Variants in PSME2 observed in about 807,000 individuals in gnomAD.
PSME2 encodes the protein proteasome activator complex subunit 2.
Under a neutral mutation model 38.8 loss-of-function variants are expected in PSME2, and 20 were observed. That is an observed-to-expected ratio of 0.52 (90% CI 0.36 to 0.75). The LOEUF is 0.75. PSME2 is among the 30% of genes least tolerant of loss of function. The pLI is 0.00. For synonymous variants in PSME2, 82 were observed against 102.5 expected (o/e 0.80, Z 1.21); for missense variants, 227 against 287.6 (o/e 0.79, Z 1.52).
chr14:24,146,496 G>A (rs1294056200), intron 1 of PSME2, 38 bp downstream of exon 1: 3 of 1,613,478 alleles, frequency 1.9e-6, no homozygotes, highest in African/African-American at 1.3e-5. Flanking sequence ...ACCCAAGAGG[G>A]TTCTATGACC....
At position 24,146,605 on chromosome 14, in the gene PSME2, G is replaced by C. The variant is rs1263720739; in HGVS notation, c.-24C>G. ...ATGCTGCTTCAGTCGCTAGATCTCT[G>C]GTCTCCCGGCTAGTCGCCCGGGCTT... On this transcript the variant is annotated 5_prime_UTR_variant, in exon 1 of 11. Transcript: ENST00000216802. 1.2e-6 allele frequency: 2 copies of C among 1,611,938 alleles called. No individual in the cohort carries two copies. The highest frequency in any genetic ancestry group is 2.7e-5 in the African/African-American group (2 of 74,920).
In PSME2 at chr14:24,143,767, C is replaced by A; in HGVS notation, c.553-96G>T. On this transcript the variant is annotated intron_variant, in intron 9 of 10. Transcript: ENST00000216802. The surrounding 1 kb of genome is among the most constrained non-coding windows in gnomAD (Gnocchi z 4.4). ...GGAAATAGGTTAACTTGAGAATGAACCCCTTCTTAGCACCAAGAAATAGGA... is the reference window on the plus strand; with the variant it reads ...GGAAATAGGTTAACTTGAGAATGAAACCCTTCTTAGCACCAAGAAATAGGA... 1 of 1,384,836 alleles carries A rather than the reference C, an allele frequency of 7.2e-7. No homozygotes were observed. Among genetic ancestry groups the A allele is most frequent in the Non-Finnish European group, 1.0e-6 (1 of 981,800 alleles). The allele number at this position is 1,384,836 out of a possible 1,614,324, so 85.8% of individuals were successfully genotyped here.
chr14:24,146,383 C>T, intron 1 of PSME2, 143 bp from the exon 2 acceptor site: 1 of 1,429,544 alleles, frequency 7.0e-7, no homozygotes, highest in South Asian at 1.2e-5. Context: ...TCACTGCAGT[C>T]AGAAGGCAGG....
chr14:24,145,915 G>T, intron 2 of PSME2, 143 bp from the exon 3 acceptor site: 1 of 948,460 alleles, frequency 1.1e-6, no homozygotes, highest in Non-Finnish European at 1.7e-6. Flanking sequence ...GAAAGGACTT[G>T]CCCAAGCTGG....
In PSME2 at chr14:24,143,921, T is replaced by C; in HGVS notation, c.552+54A>G. 1 of 1,576,590 alleles carries C rather than the reference T, an allele frequency of 6.3e-7. No individual in the cohort carries two copies. The highest frequency in any genetic ancestry group is 1.7e-5 in the Admixed American group (1 of 59,914). On this transcript the variant is annotated intron_variant, in intron 9 of 10. Transcript: ENST00000216802. The surrounding 1 kb of genome is among the most constrained non-coding windows in gnomAD (Gnocchi z 4.4). Reference sequence around the variant, plus strand: ...AAACAAGACAAGGAGGACTTCTTCCTCCACACCTCCTCGTCCCACACCCAG... The same window carrying C: ...AAACAAGACAAGGAGGACTTCTTCCCCCACACCTCCTCGTCCCACACCCAG...
At position 24,145,210 on chromosome 14, in the gene PSME2, A is replaced by T. The variant is rs115847395; in HGVS notation, c.262+33T>A. The T allele has an allele frequency of 9.5e-3, 15,309 of 1,612,828 alleles. 90 individuals are homozygous for T. The highest frequency in any genetic ancestry group is 0.011 in the Non-Finnish European group (13,006 of 1,179,008). ...CTCATCCAGTAGTCAGTGTGCCATC[A>T]CCCCTTCCCTAGTCACCTCTTATCT... On this transcript the variant is annotated intron_variant, in intron 5 of 10. Coordinates refer to ENST00000216802, the MANE Select transcript of PSME2 (RefSeq NM_002818.3).
Position 24,143,443 on chromosome 14 carries a change from T to C in PSME2, c.686A>G (p.Asn229Ser), listed in dbSNP as rs968016628. The change falls in exon 11 of 11, where the codon AAC becomes AGC. Residue 229 changes from asparagine to serine, a missense_variant. By Grantham distance (46) the Asn-to-Ser change is conservative. Coordinates refer to ENST00000216802, the MANE Select transcript of PSME2 (RefSeq NM_002818.3). The surrounding 1 kb of genome is among the most constrained non-coding windows in gnomAD (Gnocchi z 4.4). The part of the protein sequence containing the change: ...IISSNLEKIV[N>S]PKGEEKPSMY ...AGATGGCTTTTCTTCACCCTTTGGGTTGACAATTTTCTCCAGGTTGCTGCT... is the reference window on the plus strand; with the variant it reads ...AGATGGCTTTTCTTCACCCTTTGGGCTGACAATTTTCTCCAGGTTGCTGCT... The C allele has an allele frequency of 6.2e-7, 1 of 1,614,020 alleles. No individual in the cohort carries two copies. The highest frequency in any genetic ancestry group is 1.3e-5 in the African/African-American group (1 of 74,900).
chr14:24,143,838 A>C lies in PSME2; in HGVS notation c.552+137T>G. The stretch of plus-strand genomic sequence containing the variant: ...AAAAGGGTCAAGGTTGTTGAAGCCC[A>C]AACCAGTTTTTCTAGGTAATGCTTT... On this transcript the variant is annotated intron_variant, in intron 9 of 10. Transcript: ENST00000216802. This position sits in a 1 kb window ranked among gnomAD's most constrained non-coding sequence, Gnocchi z 4.4. 1.5e-6 allele frequency: 2 copies of C among 1,340,724 alleles called. No individual in the cohort carries two copies. Among genetic ancestry groups the C allele is most frequent in the Non-Finnish European group, 2.1e-6 (2 of 950,240 alleles). 83.1% of individuals were successfully genotyped at this position (1,340,724 alleles called of 1,614,324 possible).
chr14:24,143,572 A>G lies in PSME2; in HGVS notation c.639+13T>C, dbSNP rs1293911831. 1 of 1,613,564 alleles carries G rather than the reference A, an allele frequency of 6.2e-7. No homozygotes were observed. Among genetic ancestry groups the G allele is most frequent in the East Asian group, 2.2e-5 (1 of 44,852 alleles). On this transcript the variant is annotated intron_variant, in intron 10 of 10. Coordinates refer to ENST00000216802, the MANE Select transcript of PSME2 (RefSeq NM_002818.3). This position sits in a 1 kb window ranked among gnomAD's most constrained non-coding sequence, Gnocchi z 4.4. ...ACTCATCCACCTCCCCTAAAGCCTTACTCCACACTCACATAGAAGGCCCTC... is the reference window on the plus strand; with the variant it reads ...ACTCATCCACCTCCCCTAAAGCCTTGCTCCACACTCACATAGAAGGCCCTC...
At chr14:24,146,300 C>A in intron 1 of PSME2, 60 bp from the exon 2 acceptor site, 1 of 1,593,674 alleles carries the variant, frequency 6.3e-7, no homozygotes, top group Non-Finnish European at 8.6e-7. Flanking sequence ...AAGCTTCCAC[C>A]CACAACAGGG....
At chr14:24,146,312 G>A in intron 1 of PSME2, 72 bp from the exon 2 acceptor site, 1 of 1,570,546 alleles carries the variant, frequency 6.4e-7, no homozygotes, top group Non-Finnish European at 8.8e-7. Flanking sequence ...ACAACAGGGT[G>A]CCCTCGAACT....
At position 24,145,436 on chromosome 14, in the gene PSME2, A is replaced by G; in HGVS notation, c.174T>C (p.Thr58=). 6.4e-7 allele frequency: 1 copy of G among 1,556,918 alleles called. No individual in the cohort carries two copies. The highest frequency in any genetic ancestry group is 1.4e-5 in the African/African-American group (1 of 73,146). The part of the protein sequence containing the change: ...QEDSLNVADL[T]SLRAPLDIPI... ...GGATGTCCAGTGGGGCCCGGAGGGAAGTCAAGTCAGCCACATTGAGGGAGT... is the reference window on the plus strand; with the variant it reads ...GGATGTCCAGTGGGGCCCGGAGGGAGGTCAAGTCAGCCACATTGAGGGAGT... The change falls in exon 4 of 11, where the codon ACT becomes ACC. Residue 58 remains threonine, a synonymous_variant. Coordinates refer to ENST00000216802, the MANE Select transcript of PSME2 (RefSeq NM_002818.3).
intron 8 of PSME2, 46 bp from the exon 9 acceptor site, chr14:24,144,075 T>C (rs2038115756): frequency 6.2e-7 from 1 of 1,608,188 alleles, no homozygotes; most frequent in South Asian, 1.1e-5. Flanking sequence ...TTCAGGGAGA[T>C]GTACTCCCTC....
At chr14:24,145,882 G>T (rs1340394658) in intron 2 of PSME2, 110 bp from the exon 3 acceptor site, 1 of 1,206,776 alleles carries the variant, frequency 8.3e-7, no homozygotes, top group Non-Finnish European at 1.2e-6. Flanking sequence ...ACTTGCAAAT[G>T]AGGAAACTGA....
rs1275607606 is a variant in PSME2, at chr14:24,146,252, G to C, written c.49-12C>G. On this transcript the variant is annotated splice_polypyrimidine_tract_variant and intron_variant, in intron 1 of 10. Transcript: ENST00000216802. ...CTGAAGACCTCCACCTACACAGAGA[G>C]CAGTACCCGGATGTTGGTTAAGGGT... is the stretch of plus-strand genomic sequence containing the variant. 6.2e-7 allele frequency: 1 copy of C among 1,613,718 alleles called. No homozygotes were observed. Among genetic ancestry groups the C allele is most frequent in the African/African-American group, 1.3e-5 (1 of 75,028 alleles).
chr14:24,144,709 C>T, intron 6 of PSME2: 2 of 584,460 alleles, frequency 3.4e-6, no homozygotes, highest in East Asian at 2.9e-5. Flanking sequence ...AGGCTACCAG[C>T]TAGGTAACTG....
chr14:24,145,863 G>C, intron 2 of PSME2, 91 bp from the exon 3 acceptor site: 3 of 1,366,794 alleles, frequency 2.2e-6, no homozygotes, highest in Non-Finnish European at 3.1e-6. Context: ...GGAAATCACT[G>C]GGTCCAAGAC....
At chr14:24,145,972 GCCATGGTTTTTTTCCT>G (rs2038147516) in intron 2 of PSME2, 200 bp from the exon 3 acceptor site, 1 of 816,556 alleles carries the variant, frequency 1.2e-6, no homozygotes. Flanking sequence ...TGCTTTGGAA[GCCATGGTTTTTTTCCT>G]CCACATCAAA....
chr14:24,144,997 G>C, intron 6 of PSME2, 61 bp downstream of exon 6: 1 of 1,489,906 alleles, frequency 6.7e-7, no homozygotes, highest in Non-Finnish European at 9.4e-7. Flanking sequence ...TATCTACGGA[G>C]GAGTCCAGGG....
Sources: gnomAD v4.1 joint callset for allele counts on GRCh38, gnomAD v4.1.1 for gene constraint, Gnocchi (gnomAD v3.1) non-coding constraint, MANE v1.5 for transcripts, NCBI Gene and HGNC (gene_info 2026-07-23, HGNC 2026-07-21) for gene names.